Variants in VWA3B observed in about 807,000 individuals in gnomAD.
VWA3B encodes the protein von Willebrand factor A domain-containing protein 3B.
Under a neutral mutation model 158.3 loss-of-function variants are expected in VWA3B, and 138 were observed. The observed-to-expected ratio is 0.87, with a 90% CI of 0.76 to 1.00. The LOEUF (loss-of-function observed/expected upper bound fraction) is 1.00. Ranked by LOEUF, VWA3B falls within the 50% of genes least tolerant of loss-of-function variation. VWA3B has a pLI of 0.00. For missense variants in VWA3B, 1,555 were observed against 1,565.1 expected (o/e 0.99, Z 0.11); for synonymous variants, 596 against 587.3 (o/e 1.01, Z -0.21).
chr2:98,280,211 A>G (rs544395984), intron 22 of VWA3B, among the ~76,000 whole-genome samples: 3 of 152,314 alleles, frequency 2.0e-5, no homozygotes, highest in African/African-American at 4.8e-5. Flanking sequence ...TTTTTCCTAA[A>G]AGAGCAATAA....
chr2:98,190,818 T>G (rs1246668223), intron 10 of VWA3B, among the ~76,000 whole-genome samples: 1 of 152,150 alleles, frequency 6.6e-6, no homozygotes, highest in African/African-American at 2.4e-5. Context: ...GTGATATACC[T>G]GGGTGTAGTT....
At chr2:98,088,353 T>C (rs963815139) in intron 1 of VWA3B, among the ~76,000 whole-genome samples, 33 of 152,144 alleles carry the variant, frequency 2.2e-4, no homozygotes, top group African/African-American at 7.5e-4. Context: ...TCCGAGCACA[T>C]AGGACCTTTT....
At chr2:98,307,317 G>A (rs1027053841) in intron 26 of VWA3B, among the ~76,000 whole-genome samples, 7 of 152,186 alleles carry the variant, frequency 4.6e-5, no homozygotes, top group South Asian at 2.1e-4. Flanking sequence ...TGCTATGCCC[G>A]GTTTCCATTG....
chr2:98,298,108 T>G, intron 24 of VWA3B, 77 bp downstream of exon 24: 2 of 1,354,272 alleles, frequency 1.5e-6, no homozygotes, highest in African/African-American at 1.5e-5. Flanking sequence ...CCAAGGCCAC[T>G]GTTTGGCCCT....
intron 16 of VWA3B, among the ~76,000 whole-genome samples, chr2:98,233,116 T>A (rs538882377): frequency 6.6e-6 from 1 of 152,372 alleles, no homozygotes; most frequent in South Asian, 2.1e-4. Context: ...CCTGCCTGCC[T>A]GTTCCAGTGA....
intron 7 of VWA3B, among the ~76,000 whole-genome samples, chr2:98,151,458 T>C (rs971114025): frequency 6.6e-6 from 1 of 152,208 alleles, no homozygotes; most frequent in Admixed American, 6.5e-5. Flanking sequence ...TGAGGCCCGC[T>C]ATGTGCCACA....
intron 21 of VWA3B, among the ~76,000 whole-genome samples, chr2:98,267,200 T>C (rs1287584605): frequency 1.3e-5 from 2 of 151,506 alleles, no homozygotes; most frequent in Non-Finnish European, 1.5e-5. Flanking sequence ...AGATAGCTCT[T>C]ATTATTTTGA....
chr2:98,326,864 C>T, the VWA3B span, among the ~76,000 whole-genome samples: 1 of 152,016 alleles, frequency 6.6e-6, no homozygotes, highest in Non-Finnish European at 1.5e-5. Context: ...TGCAGACAGC[C>T]TCTAGAAGCC....
intron 1 of VWA3B, among the ~76,000 whole-genome samples, chr2:98,088,724 A>G (rs1282301502): frequency 6.6e-6 from 1 of 152,100 alleles, no homozygotes; most frequent in East Asian, 1.9e-4. Flanking sequence ...AAATAAATAA[A>G]TAGCATAGTT....
In VWA3B at chr2:98,234,714, G is replaced by C. The variant is rs1316239112; in HGVS notation, c.2375G>C (p.Arg792Thr). ...CTCAGGAGCTCAGCTTGCAGTGAAA[G>C]GAAGGATGGCCTCTCCAATGCCAGC... ...SSLRSSACSE[R>T]KDGLSNASSR... Residue 792 changes from arginine (R) to threonine (T), a missense_variant, in exon 17 of 28, where the codon AGG becomes ACG. By Grantham distance (71) the Arg-to-Thr change is moderately conservative. Transcript: ENST00000477737. The C allele has an allele frequency of 1.9e-5, 31 of 1,614,076 alleles. No homozygotes were observed. The highest frequency in any genetic ancestry group is 2.3e-5 in the Non-Finnish European group (27 of 1,180,036).
At chr2:98,098,345 T>G (rs1682854791) in intron 2 of VWA3B, among the ~76,000 whole-genome samples, 1 of 152,148 alleles carries the variant, frequency 6.6e-6, no homozygotes, top group Non-Finnish European at 1.5e-5. Flanking sequence ...ATTATTGCAT[T>G]TTAGTCTATC....
intron 19 of VWA3B, among the ~76,000 whole-genome samples, chr2:98,246,487 C>T (rs1168408009): frequency 6.6e-6 from 1 of 152,122 alleles, no homozygotes. Context: ...AAGCGATTCT[C>T]TTGCCTCAGC....
At chr2:98,104,797 A>G (rs1683321758) in intron 2 of VWA3B, among the ~76,000 whole-genome samples, 1 of 151,740 alleles carries the variant, frequency 6.6e-6, no homozygotes, top group African/African-American at 2.4e-5. Flanking sequence ...TGAAATCTTT[A>G]TTTTTCATTT....
rs1242589305 is a variant in VWA3B, at chr2:98,196,604, G to T, written c.1737+2112G>T. Among the ~76,000 whole-genome samples the T allele has an allele frequency of 3.9e-5, 6 of 152,256 alleles. No individual in the cohort carries two copies. The South Asian group carries it at 1.0e-3, about 26-fold the overall frequency. On this transcript the variant is annotated intron_variant, in intron 12 of 27. Coordinates refer to ENST00000477737, the MANE Select transcript of VWA3B (RefSeq NM_144992.5). ...CTGTGGCCGCGCCTGCCCAGTAGTT[G>T]AGCGGGGGAGATGGAGGGAGCAGGT...
chr2:98,159,541 G>A (rs1378396838), intron 7 of VWA3B, among the ~76,000 whole-genome samples: 2 of 152,068 alleles, frequency 1.3e-5, no homozygotes, highest in Non-Finnish European at 2.9e-5. Context: ...GAGCCACTGC[G>A]CCCGGCCTTC....
At chr2:98,140,724 T>C (rs902218296) in intron 7 of VWA3B, among the ~76,000 whole-genome samples, 10 of 152,214 alleles carry the variant, frequency 6.6e-5, no homozygotes, top group African/African-American at 2.2e-4. Context: ...CCCAGCAGCT[T>C]GTCTTCCCTT....
At chr2:98,220,504 T>C (rs1362833256) in intron 14 of VWA3B, among the ~76,000 whole-genome samples, 1 of 152,188 alleles carries the variant, frequency 6.6e-6, no homozygotes, top group Non-Finnish European at 1.5e-5. Context: ...AAAGGACTCA[T>C]TGTCCCATCA....
chr2:98,124,430 G>A (rs1675203122), intron 5 of VWA3B, among the ~76,000 whole-genome samples: 1 of 152,164 alleles, frequency 6.6e-6, no homozygotes, highest in South Asian at 2.1e-4. Context: ...AAACCTGGGA[G>A]GCCAGAAAGT....
rs767872126 is a variant in VWA3B at position 98,270,687 on chromosome 2, A to C, written c.2849A>C (p.Asp950Ala). Residue 950 changes from aspartate (D) to alanine (A), a missense_variant, in exon 22 of 28, where the codon GAT (aspartate) becomes GCT (alanine). Coordinates refer to ENST00000477737, the MANE Select transcript of VWA3B (RefSeq NM_144992.5). ...ALSQEEKEKL[D>A]ANKPIQYLEN... is the part of the protein sequence containing the mutation. ...TTTGTTTCTTTGTTTTTTAGGTTAG[A>C]TGCAAACAAACCAATACAGTACTTG... 2.5e-6 allele frequency: 4 copies of C among 1,613,220 alleles called. No homozygotes were observed. The Admixed American group carries it at 6.7e-5, about 27-fold the overall frequency.
Sources: gnomAD v4.1 joint callset for allele counts (sites outside exome capture counted in the v4.1 genomes callset) on GRCh38, gnomAD v4.1.1 for gene constraint, MANE v1.5 for transcripts, NCBI Gene and HGNC (gene_info 2026-07-23, HGNC 2026-07-21) for gene names.